SGCD: variants seen among roughly 807,000 people sequenced by gnomAD.
SGCD encodes delta-sarcoglycan.
A neutral mutation model predicts 36.6 loss-of-function variants in SGCD; 18 were observed. The observed-to-expected ratio is 0.49, with a 90% CI of 0.34 to 0.73. The LOEUF (loss-of-function observed/expected upper bound fraction) is 0.73, where lower values mean the gene tolerates loss of function less well. Among genes scored for constraint, SGCD ranks in the 30% least tolerant of loss-of-function variants. SGCD has a pLI of 0.01. For synonymous variants in SGCD, 133 were observed against 130.6 expected (o/e 1.02, Z -0.12); for missense variants, 387 against 346.7 (o/e 1.12, Z -0.92).
upstream of SGCD, among the ~76,000 whole-genome samples, chr5:156,323,261 C>T (rs563007848): frequency 6.6e-6 from 1 of 152,052 alleles, no homozygotes; most frequent in East Asian, 1.9e-4. Context: ...CCTCTCTTTG[C>T]GTTAGATCCA....
At chr5:156,391,278 T>C (rs1023933316) in intron 3 of SGCD, among the ~76,000 whole-genome samples, 2 of 152,224 alleles carry the variant, frequency 1.3e-5, no homozygotes, top group Admixed American at 1.3e-4. Context: ...ACAGCCTGGG[T>C]GTGTAGCACG....
intron 3 of SGCD, among the ~76,000 whole-genome samples, chr5:156,145,109 T>A (rs191272631): frequency 6.6e-6 from 1 of 152,288 alleles, no homozygotes; most frequent in Admixed American, 6.5e-5. Context: ...TGGGGCCTGA[T>A]GGGAGGTGAT....
At chr5:156,068,051 A>G (rs1760387481) in intron 1 of SGCD, among the ~76,000 whole-genome samples, 2 of 151,540 alleles carry the variant, frequency 1.3e-5, no homozygotes, top group South Asian at 4.2e-4. Flanking sequence ...TCACTGTTCA[A>G]CCTTCCTCTC....
At chr5:155,793,383 C>A in the SGCD span, among the ~76,000 whole-genome samples, 139 of 151,894 alleles carry the variant, frequency 9.2e-4, no homozygotes, top group African/African-American at 3.2e-3. Context: ...ACATGTACCC[C>A]CGAAACCAAA....
intron 6 of SGCD, among the ~76,000 whole-genome samples, chr5:156,621,196 T>C (rs1199925557): frequency 6.6e-6 from 1 of 152,158 alleles, no homozygotes; most frequent in African/African-American, 2.4e-5. Context: ...AAGTTAGATT[T>C]TTTTTCCCCC....
intron 1 of SGCD, among the ~76,000 whole-genome samples, chr5:155,912,290 G>A (rs1343000652): frequency 2.0e-5 from 3 of 152,078 alleles, no homozygotes; most frequent in Non-Finnish European, 4.4e-5. Context: ...AATGGTAGAT[G>A]CATTAACAAG....
At chr5:156,122,628 G>A (rs981380458) in intron 2 of SGCD, among the ~76,000 whole-genome samples, 1 of 151,806 alleles carries the variant, frequency 6.6e-6, no homozygotes, top group African/African-American at 2.4e-5. Flanking sequence ...GAGGACGGTG[G>A]TAAGAGAGAT....
chr5:156,727,591 C>T (rs1338459746), intron 7 of SGCD, among the ~76,000 whole-genome samples: 1 of 152,180 alleles, frequency 6.6e-6, no homozygotes, highest in Non-Finnish European at 1.5e-5. Context: ...GTTAGAATAG[C>T]AGTGTTTCCA....
At chr5:156,430,921 C>G (rs910615787) in intron 3 of SGCD, among the ~76,000 whole-genome samples, 2 of 152,008 alleles carry the variant, frequency 1.3e-5, no homozygotes, top group Non-Finnish European at 2.9e-5. Flanking sequence ...TAATTTTTTC[C>G]CAGTATTTTA....
chr5:155,849,898 C>A, the SGCD span, among the ~76,000 whole-genome samples: 2 of 152,054 alleles, frequency 1.3e-5, no homozygotes, highest in Admixed American at 1.3e-4. Flanking sequence ...TTGAATGAGT[C>A]GACACAGTTA....
the SGCD span, among the ~76,000 whole-genome samples, chr5:155,836,476 GC>G: frequency 3.2e-5 from 2 of 61,822 alleles, no homozygotes; most frequent in African/African-American, 5.3e-5. Flanking sequence ...ACCCACCCCC[GC>G]CCCGCACTCA....
intron 4 of SGCD, among the ~76,000 whole-genome samples, chr5:156,522,263 A>C (rs1166472203): frequency 6.6e-6 from 1 of 152,184 alleles, no homozygotes; most frequent in Non-Finnish European, 1.5e-5. Flanking sequence ...TGATGGGTGC[A>C]GCAAATCAAC....
chr5:156,020,768 G>C (rs778550947), intron 1 of SGCD, among the ~76,000 whole-genome samples: 1 of 152,044 alleles, frequency 6.6e-6, no homozygotes, highest in Non-Finnish European at 1.5e-5. Flanking sequence ...TATGCTAACT[G>C]TCTTACAAGT....
chr5:156,079,665 C>A (rs1439430450), intron 1 of SGCD, among the ~76,000 whole-genome samples: 1 of 152,228 alleles, frequency 6.6e-6, no homozygotes, highest in Non-Finnish European at 1.5e-5. Flanking sequence ...TCTTAAAGCT[C>A]TGAAATAGTC....
At chr5:155,733,022 T>G in the SGCD span, among the ~76,000 whole-genome samples, 12 of 151,824 alleles carry the variant, frequency 7.9e-5, no homozygotes, top group Admixed American at 3.3e-4. Context: ...TCGTTTTTTT[T>G]TTTTTTTTTT....
At chr5:155,973,497 C>T (rs1241426277) in intron 1 of SGCD, among the ~76,000 whole-genome samples, 1 of 152,158 alleles carries the variant, frequency 6.6e-6, no homozygotes, top group African/African-American at 2.4e-5. Flanking sequence ...TCAGCTCACA[C>T]TTGTCAATGG....
chr5:155,967,184 T>A (rs2127558492), intron 1 of SGCD, among the ~76,000 whole-genome samples: 1 of 152,170 alleles, frequency 6.6e-6, no homozygotes, highest in African/African-American at 2.4e-5. Context: ...ACCTAGTAGA[T>A]GTTGAGCTGC....
intron 3 of SGCD, among the ~76,000 whole-genome samples, chr5:156,157,997 G>C (rs1763003947): frequency 6.6e-6 from 1 of 151,230 alleles, no homozygotes; most frequent in Non-Finnish European, 1.5e-5. Context: ...TATTCTTCAA[G>C]AAGTATGTAA....
chr5:156,033,117 CA>C (rs112923523), intron 1 of SGCD, among the ~76,000 whole-genome samples: 27 of 150,342 alleles, frequency 1.8e-4, no homozygotes, highest in East Asian at 1.8e-3. Context: ...TATAAAAAAA[CA>C]AAAAAAAAGA....
Sources: gnomAD v4.1 joint callset for allele counts (sites outside exome capture counted in the v4.1 genomes callset) on GRCh38, gnomAD v4.1.1 for gene constraint, MANE v1.5 for transcripts, NCBI Gene and HGNC (gene_info 2026-07-23, HGNC 2026-07-21) for gene names.